The following PCBD2 variants were observed in gnomAD, a reference collection of about 807,000 sequenced individuals.
PCBD2 encodes pterin-4-alpha-carbinolamine dehydratase 2.
A neutral mutation model predicts 16.4 loss-of-function variants in PCBD2; 12 were observed. The ratio of observed to expected loss-of-function variants is 0.73; its 90% CI spans 0.47 to 1.19. The LOEUF (loss-of-function observed/expected upper bound fraction) is 1.19, where lower values mean the gene tolerates loss of function less well. Among genes scored for constraint, PCBD2 ranks in the 50% most tolerant of loss-of-function variants. PCBD2 has a pLI of 0.00. For missense variants in PCBD2, 138 were observed against 156.8 expected (o/e 0.88, Z 0.64); for synonymous variants, 58 against 61.8 (o/e 0.94, Z 0.29).
chr5:134,945,814 C>T (rs1021545206), intron 2 of PCBD2, among the ~76,000 whole-genome samples: 8 of 152,116 alleles, frequency 5.3e-5, no homozygotes, highest in Non-Finnish European at 1.2e-4. Context: ...TGTGAGACCT[C>T]CTCACACCCA....
intron 1 of PCBD2, among the ~76,000 whole-genome samples, chr5:134,907,488 G>A (rs1374163735): frequency 2.0e-5 from 3 of 151,486 alleles, no homozygotes; most frequent in Non-Finnish European, 3.0e-5. Context: ...TGATCTGCTC[G>A]CCTCGGCCTC....
intron 2 of PCBD2, among the ~76,000 whole-genome samples, chr5:134,923,036 T>C (rs1218794232): frequency 6.6e-6 from 1 of 152,176 alleles, no homozygotes; most frequent in Non-Finnish European, 1.5e-5. Context: ...GTCATGGCAC[T>C]ATGGGAAGGA....
intron 2 of PCBD2, among the ~76,000 whole-genome samples, chr5:134,913,443 G>T (rs555339791): frequency 6.6e-6 from 1 of 152,330 alleles, no homozygotes; most frequent in Admixed American, 6.5e-5. Context: ...AGTTTCCAAA[G>T]CAGAATGACC....
chr5:134,910,073 A>ACAAC (rs945375895), intron 1 of PCBD2, among the ~76,000 whole-genome samples: 4 of 152,332 alleles, frequency 2.6e-5, no homozygotes, highest in Admixed American at 1.3e-4. Flanking sequence ...CTGTCTCGAA[A>ACAAC]CAACCAACCA....
At chr5:134,911,604 C>G (rs1459677713) in intron 2 of PCBD2, among the ~76,000 whole-genome samples, 2 of 152,188 alleles carry the variant, frequency 1.3e-5, no homozygotes, top group Non-Finnish European at 2.9e-5. Context: ...TTGATAAATG[C>G]AGACATTGAT....
Position 134,961,853 on chromosome 5 carries a change from C to T in PCBD2, c.*1172C>T, listed in dbSNP as rs1387848985. Among the ~76,000 whole-genome samples, 2 of 151,698 alleles carry T rather than the reference C, an allele frequency of 1.3e-5. No individual in the cohort carries two copies. Among genetic ancestry groups the T allele is most frequent in the Non-Finnish European group, 2.9e-5 (2 of 67,936 alleles). ...CACGGTTTATTGCAGCCTTAACCTCCTGGGCTCAAGCAGTTCTCCCTCCTC... is the reference window on the plus strand; with the variant it reads ...CACGGTTTATTGCAGCCTTAACCTCTTGGGCTCAAGCAGTTCTCCCTCCTC... On this transcript the variant is annotated 3_prime_UTR_variant, in exon 4 of 4. Coordinates refer to ENST00000254908, the MANE Select transcript of PCBD2 (RefSeq NM_032151.5).
At chr5:134,929,814 C>A (rs1751070449) in intron 2 of PCBD2, among the ~76,000 whole-genome samples, 1 of 152,160 alleles carries the variant, frequency 6.6e-6, no homozygotes. Flanking sequence ...GCCTCAGCCT[C>A]CCAAGTAGCT....
At position 134,962,104 on chromosome 5, in the gene PCBD2, G is replaced by A. The variant is rs957273757; in HGVS notation, c.*1423G>A. On this transcript the variant is annotated 3_prime_UTR_variant, in exon 4 of 4. Coordinates refer to ENST00000254908, the MANE Select transcript of PCBD2 (RefSeq NM_032151.5). Reference sequence around the variant, plus strand: ...TGTGTGTGTGTGTGTGTGTGTGTGTGTGTTTGACACGGGGTCTCATTCTGT... The same window carrying A: ...TGTGTGTGTGTGTGTGTGTGTGTGTATGTTTGACACGGGGTCTCATTCTGT... Among the ~76,000 whole-genome samples the A allele has an allele frequency of 1.6e-4, 23 of 147,554 alleles. No individual in the cohort carries two copies. The highest frequency in any genetic ancestry group is 5.4e-4 in the African/African-American group (22 of 40,498).
chr5:134,954,133 A>AT (rs1415628394), intron 2 of PCBD2, among the ~76,000 whole-genome samples: 3 of 151,824 alleles, frequency 2.0e-5, no homozygotes, highest in East Asian at 3.9e-4. Flanking sequence ...AATTTTTAAA[A>AT]TTTTTTTTGT....
chr5:134,910,386 G>T lies in PCBD2; in HGVS notation c.136G>T (p.Asp46Tyr). The T allele has an allele frequency of 6.2e-7, 1 of 1,614,040 alleles. No homozygotes were observed. The highest frequency in any genetic ancestry group is 1.1e-5 in the South Asian group (1 of 91,076). Residue 46 changes from aspartate (D) to tyrosine (Y), a missense_variant, in exon 2 of 4, where the codon GAC (aspartate) becomes TAC (tyrosine). Asp to Tyr is a radical substitution (Grantham distance 160, BLOSUM62 -3). Transcript: ENST00000254908. ...AGAGGAGAGGAACCAAGCTATACTT[G>T]ACCTTAAAGCAGCAGGATGGTCGGA... Reference protein sequence around the residue: ...TAEERNQAILDLKAAGWSELS... With the variant: ...TAEERNQAILYLKAAGWSELS...
intron 2 of PCBD2, chr5:134,925,355 T>C: frequency 2.5e-6 from 1 of 398,402 alleles, no homozygotes. Flanking sequence ...GAGGTTGAAG[T>C]AAGAGGTATG....
chr5:134,928,453 G>T, intron 2 of PCBD2: 1 of 336,962 alleles, frequency 3.0e-6, no homozygotes, highest in South Asian at 1.4e-4. Flanking sequence ...CTAGGATGAT[G>T]ATTAATAAGA....
chr5:134,959,124 A>C lies in PCBD2; in HGVS notation c.297+4A>C, dbSNP rs1751446085. 6.2e-7 allele frequency: 1 copy of C among 1,602,378 alleles called. No homozygotes were observed. Among genetic ancestry groups the C allele is most frequent in the Non-Finnish European group, 8.5e-7 (1 of 1,171,820 alleles). The stretch of plus-strand genomic sequence containing the variant: ...ATGGTTCAATGTATACAACAAGGTA[A>C]CTAAACTGCCTTATTTGGGAATCAC... On this transcript the variant is annotated splice_donor_region_variant and intron_variant, in intron 3 of 3. Transcript: ENST00000254908.
chr5:134,955,146 T>C (rs902331221), intron 2 of PCBD2, among the ~76,000 whole-genome samples: 2 of 151,876 alleles, frequency 1.3e-5, no homozygotes, highest in Non-Finnish European at 2.9e-5. Flanking sequence ...TATATATATA[T>C]GATTGAAATA....
At chr5:134,937,777 C>T (rs750907013) in intron 2 of PCBD2, among the ~76,000 whole-genome samples, 4 of 152,220 alleles carry the variant, frequency 2.6e-5, no homozygotes, top group Non-Finnish European at 4.4e-5. Flanking sequence ...AGAATTATTT[C>T]GTTCACAAAC....
At chr5:134,905,287 C>T (rs887598774) in intron 1 of PCBD2, 64 bp downstream of exon 1, 1 of 1,204,008 alleles carries the variant, frequency 8.3e-7, no homozygotes, top group Non-Finnish European at 1.0e-6. Flanking sequence ...GGCCCGGCGG[C>T]GTCGGCTGAG....
At chr5:134,934,163 A>AT (rs1459872285) in intron 2 of PCBD2, among the ~76,000 whole-genome samples, 2 of 152,078 alleles carry the variant, frequency 1.3e-5, no homozygotes, top group East Asian at 3.9e-4. Context: ...TTGTGTTTTT[A>AT]TTTTTGAATT....
intron 2 of PCBD2, among the ~76,000 whole-genome samples, chr5:134,936,945 C>T (rs745870699): frequency 6.6e-6 from 1 of 152,104 alleles, no homozygotes; most frequent in Non-Finnish European, 1.5e-5. Flanking sequence ...TGCCCTATTA[C>T]CTTAGGTATA....
chr5:134,958,091 T>C (rs1164949494), intron 2 of PCBD2, among the ~76,000 whole-genome samples: 1 of 152,154 alleles, frequency 6.6e-6, no homozygotes, highest in African/African-American at 2.4e-5. Flanking sequence ...TTTACGTGGG[T>C]GTAATGGGTA....
Sources: allele counts gnomAD v4.1 joint callset (sites outside exome capture counted in the v4.1 genomes callset), GRCh38; gene constraint gnomAD v4.1.1; transcripts MANE v1.5; gene names NCBI Gene and HGNC (gene_info 2026-07-23, HGNC 2026-07-21).